The following LIPI variants were observed in gnomAD, a reference collection of about 807,000 sequenced individuals.
The protein encoded by LIPI is lipase member I.
Under a neutral mutation model 50.6 loss-of-function variants are expected in LIPI, and 59 were observed. The ratio of observed to expected loss-of-function variants is 1.16; its 90% CI spans 0.94 to 1.45. The LOEUF is 1.45. Ranked by LOEUF, LIPI falls within the 40% of genes most tolerant of loss-of-function variation. The pLI is 0.00. For missense variants in LIPI, 586 were observed against 536.3 expected (o/e 1.09, Z -0.92); for synonymous variants, 203 against 178.2 (o/e 1.14, Z -1.11).
Position 14,109,034 on chromosome 21 carries a change from C to T in LIPI, c.1342G>A (p.Val448Met), listed in dbSNP as rs764364908. ...GTACATGTGTTTGGATTAAGAAACA[C>T]TTCCTCTCTGTCTTTAAGTACAATA... is the stretch of plus-strand genomic sequence containing the variant. ...YNIVLKDREEVFLNPNTCTPK... is the reference protein window; with the variant it reads ...YNIVLKDREEMFLNPNTCTPK... The change falls in exon 10 of 10, where the codon GTG (valine) becomes ATG (methionine). Residue 448 changes from valine (V) to methionine (M), a missense_variant. Val to Met is a conservative substitution (Grantham distance 21, BLOSUM62 1). Transcript: ENST00000681601. 2.5e-6 allele frequency: 4 copies of T among 1,600,078 alleles called. No individual in the cohort carries two copies. In the Admixed American group the frequency reaches 6.7e-5, roughly 27 times the overall value.
Position 14,175,591 on chromosome 21 carries a change from C to T in LIPI, c.643+6167G>A, listed in dbSNP as rs553306774. 7.9e-5 allele frequency among the ~76,000 whole-genome samples: 12 copies of T among 152,108 alleles called. No homozygotes were observed. The South Asian group carries it at 2.1e-3, about 26-fold the overall frequency. On this transcript the variant is annotated intron_variant, in intron 4 of 9. Coordinates refer to ENST00000681601, the MANE Select transcript of LIPI (RefSeq NM_001302998.2). Reference sequence around the variant, plus strand: ...CATTTGGGTTAGAAATTTTTGTGTACTTTGGGAAAATATTATTCATTATCC... The same window carrying T: ...CATTTGGGTTAGAAATTTTTGTGTATTTTGGGAAAATATTATTCATTATCC...
chr21:14,138,156 A>G (rs1049446216), intron 9 of LIPI, among the ~76,000 whole-genome samples: 5 of 152,170 alleles, frequency 3.3e-5, no homozygotes, highest in African/African-American at 1.2e-4. Flanking sequence ...CCACTCCACA[A>G]TATATTCATG....
intron 9 of LIPI, among the ~76,000 whole-genome samples, chr21:14,124,250 G>C (rs2016969159): frequency 6.6e-6 from 1 of 152,186 alleles, no homozygotes; most frequent in Admixed American, 6.5e-5. Context: ...TACACAGGAA[G>C]AGATAAACGA....
chr21:14,179,312 A>G (rs551474432), intron 4 of LIPI, among the ~76,000 whole-genome samples: 63 of 152,204 alleles, frequency 4.1e-4, no homozygotes, highest in South Asian at 6.2e-4. Context: ...GAGTCCACGC[A>G]TATCATTCAG....
chr21:14,187,059 A>C (rs1227769797), intron 2 of LIPI, among the ~76,000 whole-genome samples: 1 of 152,204 alleles, frequency 6.6e-6, no homozygotes, highest in Non-Finnish European at 1.5e-5. Context: ...AAACCTTAGG[A>C]AGATTCACAA....
intron 4 of LIPI, 48 bp from the exon 5 acceptor site, chr21:14,166,499 A>G (rs1372725046): frequency 5.2e-6 from 5 of 964,446 alleles, no homozygotes; most frequent in African/African-American, 3.2e-5. Context: ...TAATCAGGTG[A>G]GTATCTTGCA....
At chr21:14,152,076 TTTA>T (rs2018112709) in intron 8 of LIPI, among the ~76,000 whole-genome samples, 1 of 51,102 alleles carries the variant, frequency 2.0e-5, no homozygotes, top group South Asian at 5.4e-4. Context: ...ACTTATTTTA[TTTA>T]TTTATTTATT....
chr21:14,206,890 G>T, intron 1 of LIPI: 1 of 1,612,190 alleles, frequency 6.2e-7, no homozygotes, highest in Non-Finnish European at 8.5e-7. Context: ...CTATATTTTT[G>T]GCACAAGTTA....
chr21:14,171,297 A>T (rs1222860765), intron 4 of LIPI, among the ~76,000 whole-genome samples: 2 of 145,334 alleles, frequency 1.4e-5, no homozygotes, highest in Non-Finnish European at 3.1e-5. Flanking sequence ...TGCCCAAGGT[A>T]ATTTATAGAT....
rs374527200 is a variant in LIPI at position 14,181,741 on chromosome 21, A to C, written c.643+17T>G. On this transcript the variant is annotated intron_variant, in intron 4 of 9. Transcript: ENST00000681601. ...TTTCATTTTCAAATAATTAGGTAAT[A>C]AATCCTGATTTGTTACCATTGGAGT... 1.4e-4 allele frequency: 216 copies of C among 1,490,248 alleles called. No individual in the cohort carries two copies. The highest frequency in any genetic ancestry group is 1.8e-4 in the Non-Finnish European group (188 of 1,068,306). The allele number at this position is 1,490,248 out of a possible 1,614,324, so 92.3% of individuals were successfully genotyped here. A position where few individuals can be genotyped will look rare whatever the true frequency, so the allele number is the denominator to read the frequency against.
chr21:14,116,202 C>T (rs1484796361), intron 9 of LIPI, among the ~76,000 whole-genome samples: 1 of 151,868 alleles, frequency 6.6e-6, no homozygotes, highest in African/African-American at 2.4e-5. Context: ...AGGTGTGTGA[C>T]AGTGTGTGAA....
chr21:14,117,409 G>C (rs1160949375), intron 9 of LIPI, among the ~76,000 whole-genome samples: 1 of 152,196 alleles, frequency 6.6e-6, no homozygotes, highest in East Asian at 1.9e-4. Flanking sequence ...TCAGTGGCTA[G>C]AAAGCAACAC....
At chr21:14,160,140 T>C (rs1233840109) in intron 7 of LIPI, among the ~76,000 whole-genome samples, 4 of 151,418 alleles carry the variant, frequency 2.6e-5, no homozygotes, top group Non-Finnish European at 5.9e-5. Context: ...CTAAAATTTA[T>C]ATTGAAATGT....
intron 4 of LIPI, among the ~76,000 whole-genome samples, chr21:14,171,132 A>G (rs1039072869): frequency 5.3e-5 from 8 of 150,270 alleles, no homozygotes; most frequent in African/African-American, 2.0e-4. Context: ...CAAAGAGAAT[A>G]AAATACCTAG....
chr21:14,137,062 A>G (rs1321427256), intron 9 of LIPI, among the ~76,000 whole-genome samples: 1 of 152,146 alleles, frequency 6.6e-6, no homozygotes, highest in African/African-American at 2.4e-5. Flanking sequence ...ACAACACTCA[A>G]GTTGTGACCC....
chr21:14,177,807 AG>A (rs2019146888), intron 4 of LIPI, among the ~76,000 whole-genome samples: 1 of 152,130 alleles, frequency 6.6e-6, no homozygotes, highest in African/African-American at 2.4e-5. Context: ...AGATTTAACT[AG>A]TTCATTGTTC....
chr21:14,198,770 C>A (rs2019949546), intron 1 of LIPI, among the ~76,000 whole-genome samples: 1 of 151,902 alleles, frequency 6.6e-6, no homozygotes, highest in South Asian at 2.1e-4. Flanking sequence ...GTCAAATGGA[C>A]CTGATAGATA....
Position 14,166,496 on chromosome 21 carries a change from G to A in LIPI, c.644-45C>T, listed in dbSNP as rs1041436816. 5 of 988,702 alleles carry A rather than the reference G, an allele frequency of 5.1e-6. No homozygotes were observed. The African/African-American group carries it at 8.0e-5, about 16-fold the overall frequency. 61.2% of individuals were successfully genotyped at this position (988,702 alleles called of 1,614,324 possible). ...AGAATCACAACATGTATATAATCAG[G>A]TGAGTATCTTGCATAAAACAAAATA... is the stretch of plus-strand genomic sequence containing the variant. On this transcript the variant is annotated intron_variant, in intron 4 of 9. Coordinates refer to ENST00000681601, the MANE Select transcript of LIPI (RefSeq NM_001302998.2).
intron 9 of LIPI, among the ~76,000 whole-genome samples, chr21:14,122,271 T>A (rs79880942): frequency 6.6e-6 from 1 of 152,318 alleles, no homozygotes; most frequent in East Asian, 1.9e-4. Flanking sequence ...TGGGGACATG[T>A]GTTTATAATC....
Sources: allele counts gnomAD v4.1 joint callset (sites outside exome capture counted in the v4.1 genomes callset), GRCh38; gene constraint gnomAD v4.1.1; transcripts MANE v1.5; gene names NCBI Gene and HGNC (gene_info 2026-07-23, HGNC 2026-07-21).